SHQ1: variants seen among roughly 807,000 people sequenced by gnomAD.
SHQ1 encodes the protein SHQ1, H/ACA ribonucleoprotein assembly factor.
Under a neutral mutation model 53.8 loss-of-function variants are expected in SHQ1, and 49 were observed. The observed-to-expected ratio is 0.91, with a 90% CI of 0.72 to 1.16. The LOEUF (loss-of-function observed/expected upper bound fraction) is 1.16. Ranked by LOEUF, SHQ1 falls within the 50% of genes most tolerant of loss-of-function variation. The pLI is 0.00. For missense variants in SHQ1, 738 were observed against 683.1 expected, an observed-to-expected ratio of 1.08 and a Z score of -0.90; for synonymous variants, 243 against 251.0, an observed-to-expected ratio of 0.97 and a Z score of 0.30.
rs74381960 is a variant in SHQ1 at position 72,822,240 on chromosome 3, G to A, written c.727+2184C>T. On this transcript the variant is annotated intron_variant, in intron 6 of 10. Coordinates refer to ENST00000325599, the MANE Select transcript of SHQ1 (RefSeq NM_018130.3). ...GCTGTTCGACACAAAGCTCAAGTTC[G>A]TCTACCTTAGATCACATGTCCTTGC... is the stretch of plus-strand genomic sequence containing the variant. Among the ~76,000 whole-genome samples, 104 of 152,246 alleles carry A rather than the reference G, an allele frequency of 6.8e-4. 1 individual carries two copies. In the East Asian group the frequency reaches 0.019, roughly 27 times the overall value.
At chr3:72,766,416 A>G (rs1356135948) in intron 10 of SHQ1, among the ~76,000 whole-genome samples, 1 of 152,164 alleles carries the variant, frequency 6.6e-6, no homozygotes, top group African/African-American at 2.4e-5. Context: ...AGTTCATACT[A>G]CACCACTGCT....
intron 9 of SHQ1, chr3:72,794,333 G>T (rs898502301): frequency 1.3e-5 from 2 of 152,104 alleles, no homozygotes; most frequent in African/African-American, 4.8e-5. Context: ...AAAAGAGCAG[G>T]GGCTTCTGTT....
chr3:72,742,826 C>T, the SHQ1 span, among the ~76,000 whole-genome samples: 2 of 151,964 alleles, frequency 1.3e-5, no homozygotes, highest in Non-Finnish European at 2.9e-5. Flanking sequence ...GGGGTTTTGC[C>T]ATGTTGGCCA....
chr3:72,779,651 T>C (rs572860994), intron 10 of SHQ1, among the ~76,000 whole-genome samples: 6 of 152,276 alleles, frequency 3.9e-5, no homozygotes, highest in African/African-American at 1.4e-4. Context: ...AATGGACTGA[T>C]GAACAGATAC....
intron 1 of SHQ1, among the ~76,000 whole-genome samples, chr3:72,846,025 T>G (rs1453479243): frequency 6.6e-6 from 1 of 152,148 alleles, no homozygotes; most frequent in African/African-American, 2.4e-5. Context: ...ATCCCTCTTC[T>G]GTAAAGGGGG....
At chr3:72,842,153 A>G in intron 3 of SHQ1, 127 bp downstream of exon 3, 1 of 996,968 alleles carries the variant, frequency 1.0e-6, no homozygotes, top group Non-Finnish European at 1.4e-6. Flanking sequence ...ATGGTTTCAC[A>G]TGATCACCTT....
At chr3:72,821,543 C>G (rs2106888402) in intron 6 of SHQ1, among the ~76,000 whole-genome samples, 1 of 152,306 alleles carries the variant, frequency 6.6e-6, no homozygotes, top group East Asian at 1.9e-4. Flanking sequence ...GAGCAAAGTT[C>G]ACCACCTAAG....
intron 6 of SHQ1, among the ~76,000 whole-genome samples, chr3:72,821,648 C>T (rs1407344311): frequency 6.6e-6 from 1 of 152,250 alleles, no homozygotes; most frequent in East Asian, 1.9e-4. Flanking sequence ...ATCTGCCTGG[C>T]GACACCTGAT....
chr3:72,763,964 C>T (rs758393621), intron 10 of SHQ1, among the ~76,000 whole-genome samples: 5 of 149,900 alleles, frequency 3.3e-5, no homozygotes, highest in African/African-American at 4.9e-5. Context: ...TACAGCAGAA[C>T]AGAAATTAGA....
chr3:72,829,428 C>G (rs545563957), intron 5 of SHQ1, among the ~76,000 whole-genome samples: 1 of 152,328 alleles, frequency 6.6e-6, no homozygotes, highest in East Asian at 1.9e-4. Flanking sequence ...GAGATCTTGC[C>G]GTAGGCACCA....
At chr3:72,739,797 A>G in the SHQ1 span, among the ~76,000 whole-genome samples, 1 of 152,244 alleles carries the variant, frequency 6.6e-6, no homozygotes, top group Non-Finnish European at 1.5e-5. Flanking sequence ...CAGGGGGCAG[A>G]CCAAAAGGAA....
chr3:72,811,607 A>G lies in SHQ1; in HGVS notation c.1060+1064T>C, dbSNP rs994476941. ...ATAAAAAGGCATCTTTCATCTAACC[A>G]TGATTCATTTTTACAATTACTGTCT... On this transcript the variant is annotated intron_variant, in intron 9 of 10. Transcript: ENST00000325599. 2.0e-5 allele frequency among the ~76,000 whole-genome samples: 3 copies of G among 152,220 alleles called. No individual in the cohort carries two copies. The East Asian group carries it at 5.8e-4, about 29-fold the overall frequency.
intron 10 of SHQ1, among the ~76,000 whole-genome samples, chr3:72,752,034 C>T (rs1705396116): frequency 1.3e-5 from 2 of 152,104 alleles, no homozygotes; most frequent in Non-Finnish European, 2.9e-5. Flanking sequence ...ACTATGACAT[C>T]GTTTTTTAAT....
intron 5 of SHQ1, among the ~76,000 whole-genome samples, chr3:72,825,361 T>TACACACACACACACACACACACAC (rs61048915): frequency 2.1e-5 from 3 of 141,872 alleles, no homozygotes; most frequent in African/African-American, 7.8e-5. Flanking sequence ...TAAAAGGGGC[T>TACACACACACACACACACACACAC]ACACACACAC....
At chr3:72,784,149 G>A (rs1575689771) in intron 10 of SHQ1, among the ~76,000 whole-genome samples, 1 of 139,316 alleles carries the variant, frequency 7.2e-6, no homozygotes. Context: ...AAAAAAAAAA[G>A]ATACAAATTA....
Position 72,801,204 on chromosome 3 carries a change from G to A in SHQ1, c.1061-8168C>T, listed in dbSNP as rs1347775808. ...GTAGATTAAGAAGCTGAAGATGCATGGAAAAAAGCTCTTTGAAACAGCTGC... is the reference window on the plus strand; with the variant it reads ...GTAGATTAAGAAGCTGAAGATGCATAGAAAAAAGCTCTTTGAAACAGCTGC... On this transcript the variant is annotated intron_variant, in intron 9 of 10. Transcript: ENST00000325599. Among the ~76,000 whole-genome samples the A allele has an allele frequency of 2.0e-5, 3 of 152,120 alleles. No individual in the cohort carries two copies. The East Asian group carries it at 5.8e-4, about 29-fold the overall frequency.
chr3:72,771,076 G>T (rs1575682805), intron 10 of SHQ1, among the ~76,000 whole-genome samples: 1 of 152,112 alleles, frequency 6.6e-6, no homozygotes, highest in Admixed American at 6.5e-5. Context: ...TCAACCTGAA[G>T]GAAGGTATCT....
At chr3:72,739,636 G>A in the SHQ1 span, among the ~76,000 whole-genome samples, 2 of 152,036 alleles carry the variant, frequency 1.3e-5, no homozygotes, top group African/African-American at 4.8e-5. Context: ...GGTTTGAGCT[G>A]AGCTCCTCTG....
At chr3:72,788,386 A>C (rs1010290696) in intron 10 of SHQ1, among the ~76,000 whole-genome samples, 3 of 148,764 alleles carry the variant, frequency 2.0e-5, no homozygotes, top group South Asian at 2.1e-4. Flanking sequence ...GGAGGTGAGG[A>C]GCATCTCTGA....
Sources: allele counts gnomAD v4.1 joint callset (sites outside exome capture counted in the v4.1 genomes callset), GRCh38; gene constraint gnomAD v4.1.1; transcripts MANE v1.5; gene names NCBI Gene and HGNC (gene_info 2026-07-23, HGNC 2026-07-21).